Variants in PHLPP1 observed in about 807,000 individuals in gnomAD.
PHLPP1 encodes PH domain and leucine rich repeat protein phosphatase 1.
Under a neutral mutation model 117.2 loss-of-function variants are expected in PHLPP1, and 42 were observed. That is an observed-to-expected ratio of 0.36 (90% confidence interval 0.28 to 0.46). PHLPP1 has a LOEUF of 0.46. PHLPP1 is among the 20% of genes least tolerant of loss of function. The pLI is 1.00. For synonymous variants in PHLPP1, 1,042 were observed against 970.7 expected, an observed-to-expected ratio of 1.07 and a Z score of -1.37; for missense variants, 2,084 against 2,241.9, an observed-to-expected ratio of 0.93 and a Z score of 1.42.
At chr18:62,851,865 G>A (rs1915359501) in intron 3 of PHLPP1, among the ~76,000 whole-genome samples, 1 of 151,862 alleles carries the variant, frequency 6.6e-6, no homozygotes, top group African/African-American at 2.4e-5. Flanking sequence ...TGTATAATTT[G>A]CGTAATCTTT....
intron 4 of PHLPP1, among the ~76,000 whole-genome samples, chr18:62,865,030 T>C (rs944658782): frequency 1.3e-5 from 2 of 152,190 alleles, no homozygotes; most frequent in African/African-American, 2.4e-5. Context: ...GTATTGTTAC[T>C]AATTTTGGAC....
intron 8 of PHLPP1, 136 bp from the exon 9 acceptor site, chr18:62,914,777 C>A: frequency 1.6e-6 from 1 of 627,002 alleles, no homozygotes. Context: ...AAAGCGAATC[C>A]ACACATTCTT....
At chr18:62,863,041 G>A (rs2144364197) in intron 4 of PHLPP1, among the ~76,000 whole-genome samples, 1 of 132,138 alleles carries the variant, frequency 7.6e-6, no homozygotes, top group East Asian at 2.1e-4. Context: ...AGTTATCACT[G>A]TGGTATTCTT....
chr18:62,891,788 G>C (rs2144394961), intron 4 of PHLPP1, among the ~76,000 whole-genome samples: 1 of 148,108 alleles, frequency 6.8e-6, no homozygotes, highest in East Asian at 2.0e-4. Flanking sequence ...AGCTACTCAG[G>C]AGGCTGAGGT....
At chr18:62,955,894 A>G (rs1910597565) in intron 12 of PHLPP1, among the ~76,000 whole-genome samples, 2 of 152,122 alleles carry the variant, frequency 1.3e-5, no homozygotes, top group South Asian at 4.1e-4. Flanking sequence ...TAGATTGTGT[A>G]TATCCCCATT....
chr18:62,857,540 A>G (rs892011984), intron 3 of PHLPP1, among the ~76,000 whole-genome samples: 3 of 152,188 alleles, frequency 2.0e-5, no homozygotes, highest in East Asian at 1.9e-4. Context: ...CCTGGAGTGC[A>G]TGCTTACCCA....
At chr18:62,900,324 T>C (rs932768338) in intron 6 of PHLPP1, among the ~76,000 whole-genome samples, 56 of 146,270 alleles carry the variant, frequency 3.8e-4, no homozygotes, top group African/African-American at 1.2e-3. Context: ...AATAAATAAA[T>C]AAATAAATAA....
At chr18:62,952,643 A>T (rs1226360804) in intron 12 of PHLPP1, among the ~76,000 whole-genome samples, 2 of 152,106 alleles carry the variant, frequency 1.3e-5, no homozygotes, top group Admixed American at 6.5e-5. Context: ...TGATTTTTTT[A>T]AAAAAGAGGG....
At position 62,941,778 on chromosome 18, in the gene PHLPP1, C is replaced by G; in HGVS notation, c.3021C>G (p.Ser1007=). The G allele has an allele frequency of 6.2e-7, 1 of 1,613,834 alleles. No homozygotes were observed. The highest frequency in any genetic ancestry group is 8.5e-7 in the Non-Finnish European group (1 of 1,179,778). Residue 1007 remains serine, a synonymous_variant, in exon 11 of 17, where the codon TCC becomes TCG. Coordinates refer to ENST00000262719, the MANE Select transcript of PHLPP1 (RefSeq NM_194449.4). The part of the protein sequence containing the change: ...KLESLPPATL[S]EETNSILQEL... Reference sequence around the variant, plus strand: ...AAAGCCTTCCTCCAGCCACGCTTTCCGAAGAGACAAACAGTATCTTACAAG... The same window carrying G: ...AAAGCCTTCCTCCAGCCACGCTTTCGGAAGAGACAAACAGTATCTTACAAG...
At chr18:62,749,984 C>T (rs1216710825) in intron 1 of PHLPP1, among the ~76,000 whole-genome samples, 1 of 152,160 alleles carries the variant, frequency 6.6e-6, no homozygotes, top group Admixed American at 6.5e-5. Flanking sequence ...CCACTGCACT[C>T]CAGCCTGGGC....
At chr18:62,728,088 A>G (rs1181464081) in intron 1 of PHLPP1, among the ~76,000 whole-genome samples, 1 of 152,028 alleles carries the variant, frequency 6.6e-6, no homozygotes, top group Non-Finnish European at 1.5e-5. Context: ...TGATGTCAGG[A>G]GCTTGAGACC....
chr18:62,950,678 G>A (rs912625138), intron 12 of PHLPP1, among the ~76,000 whole-genome samples: 12 of 152,162 alleles, frequency 7.9e-5, no homozygotes, highest in Admixed American at 6.6e-5. Flanking sequence ...ACGTAAAAAC[G>A]TCAGCTTGGC....
intron 12 of PHLPP1, among the ~76,000 whole-genome samples, chr18:62,953,812 C>T (rs1333604259): frequency 2.0e-5 from 3 of 152,214 alleles, no homozygotes; most frequent in Non-Finnish European, 4.4e-5. Flanking sequence ...TTGGAACTGA[C>T]TGTGCCACTG....
intron 14 of PHLPP1, among the ~76,000 whole-genome samples, chr18:62,970,189 A>G (rs1199326901): frequency 3.3e-5 from 5 of 152,232 alleles, no homozygotes; most frequent in Admixed American, 3.3e-4. Context: ...TTCAAGTAAT[A>G]GTAATGTCAT....
At chr18:62,835,774 TTC>T (rs1269106200) in intron 2 of PHLPP1, among the ~76,000 whole-genome samples, 20 of 134,330 alleles carry the variant, frequency 1.5e-4, no homozygotes, top group Non-Finnish European at 1.7e-4. Context: ...ATTCAACTGG[TTC>T]TTTTTTTTTT....
At chr18:62,892,055 C>T (rs1306430196) in intron 4 of PHLPP1, among the ~76,000 whole-genome samples, 1 of 141,530 alleles carries the variant, frequency 7.1e-6, no homozygotes, top group Non-Finnish European at 1.5e-5. Flanking sequence ...GTTTTCTTTT[C>T]ATTTTCTTTC....
chr18:62,924,676 GAAAA>G (rs35464959), intron 10 of PHLPP1, among the ~76,000 whole-genome samples: 12 of 93,614 alleles, frequency 1.3e-4, no homozygotes, highest in East Asian at 3.3e-4. Flanking sequence ...ACTACAAATT[GAAAA>G]AAAAAAAAAA....
intron 1 of PHLPP1, among the ~76,000 whole-genome samples, chr18:62,788,330 A>G (rs1247361653): frequency 6.6e-6 from 1 of 152,106 alleles, no homozygotes; most frequent in African/African-American, 2.4e-5. Flanking sequence ...GGGAATAGGG[A>G]AGGATGACTG....
chr18:62,716,557 G>C lies in PHLPP1; in HGVS notation c.874G>C (p.Gly292Arg). 1 of 1,189,714 alleles carries C rather than the reference G, an allele frequency of 8.4e-7. No homozygotes were observed. The allele number at this position is 1,189,714 out of a possible 1,614,324, so 73.7% of individuals were successfully genotyped here. ...PPARSAPGAF[G>R]GPPRAPPADL... is the part of the protein sequence containing the mutation. ...CGCGAGGAGCGCGCCGGGTGCCTTC[G>C]GGGGGCCTCCGCGCGCGCCCCCCGC... The change falls in exon 1 of 17, where the codon GGG becomes CGG. Residue 292 changes from glycine to arginine, a missense_variant. This residue lies in a region of PHLPP1 where 719 missense variants were observed against 636.0 expected (regional missense o/e 1.13). Transcript: ENST00000262719. The surrounding 1 kb of genome is among the most constrained non-coding windows in gnomAD (Gnocchi z 5.7).
Sources: gnomAD v4.1 joint callset for allele counts (sites outside exome capture counted in the v4.1 genomes callset) on GRCh38, gnomAD v4.1.1 for gene constraint, gnomAD v4.1.1 regional missense constraint, Gnocchi (gnomAD v3.1) non-coding constraint, MANE v1.5 for transcripts, NCBI Gene and HGNC (gene_info 2026-07-23, HGNC 2026-07-21) for gene names.